Variants in INSYN1 observed in about 807,000 individuals in gnomAD.
INSYN1 encodes inhibitory synaptic factor 1.
In INSYN1, 7 loss-of-function variants were observed where a neutral mutation model predicts 17.1. That is an observed-to-expected ratio of 0.41 (90% CI 0.23 to 0.77). The LOEUF is 0.77. Ranked by LOEUF, INSYN1 falls within the 30% of genes least tolerant of loss-of-function variation. INSYN1 has a pLI of 0.32. For missense variants in INSYN1, 339 were observed against 400.6 expected (o/e 0.85, Z 1.31); for synonymous variants, 174 against 166.3 (o/e 1.05, Z -0.36).
chr15:73,744,743 G>A (rs1901777433), intron 2 of INSYN1, among the ~76,000 whole-genome samples: 1 of 152,046 alleles, frequency 6.6e-6, no homozygotes, highest in Non-Finnish European at 1.5e-5. Flanking sequence ...AAAGAGAGGG[G>A]GAGAGAGAGA....
Position 73,737,175 on chromosome 15 carries a change from T to A in INSYN1, c.*2742A>T, listed in dbSNP as rs1901550763. The A allele has an allele frequency of 6.6e-6, 1 of 152,242 alleles. No homozygotes were observed. The highest frequency in any genetic ancestry group is 2.4e-5 in the African/African-American group (1 of 41,450). The allele number at this position is 152,242 out of a possible 1,614,324, so 9.4% of individuals were successfully genotyped here. On this transcript the variant is annotated 3_prime_UTR_variant, in exon 3 of 3. Transcript: ENST00000569673. ...ATCCCATGGCTGTGTCAGAGACCCC[T>A]AGCTCTGGCCCTCAGTTTCTTCCTC...
intron 2 of INSYN1, among the ~76,000 whole-genome samples, chr15:73,744,488 C>T (rs1221422201): frequency 6.6e-6 from 1 of 152,094 alleles, no homozygotes; most frequent in Non-Finnish European, 1.5e-5. Flanking sequence ...AAGCCATGTG[C>T]CCAAGGGTAT....
rs1019931769 is a variant in INSYN1 at position 73,739,224 on chromosome 15, G to A, written c.*693C>T. ...ATGGGAGCTGAAAGGATTGGGGGTGGTCCAGACCCTCCAATCAAACCCCTG... is the reference window on the plus strand; with the variant it reads ...ATGGGAGCTGAAAGGATTGGGGGTGATCCAGACCCTCCAATCAAACCCCTG... On this transcript the variant is annotated 3_prime_UTR_variant, in exon 3 of 3. Coordinates refer to ENST00000569673, the MANE Select transcript of INSYN1 (RefSeq NM_001039614.3). 1 of 152,336 alleles carries A rather than the reference G, an allele frequency of 6.6e-6. No individual in the cohort carries two copies. Among genetic ancestry groups the A allele is most frequent in the African/African-American group, 2.4e-5 (1 of 41,456 alleles). The allele number at this position is 152,336 out of a possible 1,614,324, so 9.4% of individuals were successfully genotyped here.
intron 2 of INSYN1, 73 bp from the exon 3 acceptor site, chr15:73,740,715 C>T: frequency 8.5e-7 from 1 of 1,175,966 alleles, no homozygotes; most frequent in Non-Finnish European, 1.2e-6. Context: ...GAGTGTGTCT[C>T]CACCCCATCC....
rs2141463523 is a variant in INSYN1, at chr15:73,740,345, G to A, written c.454C>T (p.Pro152Ser). ...GAGGAGTCTGGGGTCTCCACTCGTG[G>A]CCCATTGGGGATGGGCGTGCCACCA... ...MNGGTPIPNGPRVETPDSSSE... is the reference protein window; with the variant it reads ...MNGGTPIPNGSRVETPDSSSE... Residue 152 changes from proline (P) to serine (S), a missense_variant, in exon 3 of 3, where the codon CCA (proline) becomes TCA (serine). Physicochemically the swap from Pro to Ser is moderately conservative, Grantham distance 74 (BLOSUM62 -1). Transcript: ENST00000569673. The A allele has an allele frequency of 6.2e-7, 1 of 1,608,004 alleles. No individual in the cohort carries two copies. Among genetic ancestry groups the A allele is most frequent in the South Asian group, 1.1e-5 (1 of 90,240 alleles).
chr15:73,753,192 G>A lies in INSYN1; in HGVS notation c.-1650C>T, dbSNP rs1466744630. ...CGCCGGGCTCCCGGGGCCTGGGCCC[G>A]CTCCCCAAGCGCCGCGGCGCCGCGC... is the stretch of plus-strand genomic sequence containing the variant. On this transcript the variant is annotated 5_prime_UTR_variant, in exon 1 of 3. Coordinates refer to ENST00000569673, the MANE Select transcript of INSYN1 (RefSeq NM_001039614.3). The surrounding 1 kb of genome is among the most constrained non-coding windows in gnomAD (Gnocchi z 4.2). 6.9e-6 allele frequency among the ~76,000 whole-genome samples: 1 copy of A among 145,076 alleles called. No individual in the cohort carries two copies. The highest frequency in any genetic ancestry group is 2.0e-4 in the East Asian group (1 of 4,948).
In INSYN1 at chr15:73,753,062, G is replaced by C. The variant is rs942000186; in HGVS notation, c.-1520C>G. 2.0e-5 allele frequency among the ~76,000 whole-genome samples: 3 copies of C among 150,028 alleles called. No homozygotes were observed. The highest frequency in any genetic ancestry group is 4.9e-5 in the African/African-American group (2 of 41,172). On this transcript the variant is annotated 5_prime_UTR_variant, in exon 1 of 3. Transcript: ENST00000569673. This position sits in a 1 kb window ranked among gnomAD's most constrained non-coding sequence, Gnocchi z 4.2. Reference sequence around the variant, plus strand: ...CGCTACCTCCCGTCCGTTCGCTCTCGGCTCCCCGCCTCAGCAGCCCCCGGG... The same window carrying C: ...CGCTACCTCCCGTCCGTTCGCTCTCCGCTCCCCGCCTCAGCAGCCCCCGGG...
intron 2 of INSYN1, 90 bp from the exon 3 acceptor site, chr15:73,740,732 A>G: frequency 9.6e-7 from 1 of 1,041,384 alleles, no homozygotes; most frequent in Middle Eastern, 2.3e-4. Flanking sequence ...ATCCCTGTAG[A>G]CCCCTGGCTG....
In INSYN1 at chr15:73,751,055, G is replaced by C. The variant is rs752539582; in HGVS notation, c.76C>G (p.Arg26Gly). 7 of 1,613,864 alleles carry C rather than the reference G, an allele frequency of 4.3e-6. No homozygotes were observed. Among genetic ancestry groups the C allele is most frequent in the Admixed American group, 3.3e-5 (2 of 60,000 alleles). The change falls in exon 2 of 3, where the codon CGA becomes GGA. Residue 26 changes from arginine (R) to glycine (G), a missense_variant. By Grantham distance (125) the Arg-to-Gly change is moderately radical (BLOSUM62 -2). Coordinates refer to ENST00000569673, the MANE Select transcript of INSYN1 (RefSeq NM_001039614.3). ...CCGATGACCATCTTCATGCGCTGTCGAATCCGCTCCCGCTCACCACCACTG... is the reference window on the plus strand; with the variant it reads ...CCGATGACCATCTTCATGCGCTGTCCAATCCGCTCCCGCTCACCACCACTG... ...PSSGGERERI[R>G]QRMKMVIGQL...
At chr15:73,743,855 A>AGAAAAG in intron 2 of INSYN1, among the ~76,000 whole-genome samples, 1 of 97,908 alleles carries the variant, frequency 1.0e-5, no homozygotes, top group Admixed American at 1.3e-4. Context: ...AAAAAAAAAA[A>AGAAAAG]AAAGAAAGAA....
chr15:73,747,015 T>G (rs1901853352), intron 2 of INSYN1, among the ~76,000 whole-genome samples: 1 of 152,180 alleles, frequency 6.6e-6, no homozygotes, highest in South Asian at 2.1e-4. Flanking sequence ...ATGCTGTGCA[T>G]GGCTCGACGG....
chr15:73,744,550 C>T (rs1259719192), intron 2 of INSYN1, among the ~76,000 whole-genome samples: 1 of 152,166 alleles, frequency 6.6e-6, no homozygotes, highest in East Asian at 1.9e-4. Context: ...ACTGCTCTTC[C>T]CTGGTGCCTC....
rs1164149910 is a variant in INSYN1, at chr15:73,735,681, T to G, written c.*4236A>C. 2.0e-5 allele frequency: 3 copies of G among 152,212 alleles called. No individual in the cohort carries two copies. The highest frequency in any genetic ancestry group is 7.2e-5 in the African/African-American group (3 of 41,450). The allele number at this position is 152,212 out of a possible 1,614,324, so 9.4% of individuals were successfully genotyped here. ...GACCAGGCCACCCACTCCAGGCATT[T>G]TAACTGCAGTGGATGTTTGCAGTAG... On this transcript the variant is annotated 3_prime_UTR_variant, in exon 3 of 3. Coordinates refer to ENST00000569673, the MANE Select transcript of INSYN1 (RefSeq NM_001039614.3).
rs1901666929 is a variant in INSYN1, at chr15:73,740,571, G to A, written c.228C>T (p.Ala76=). The stretch of plus-strand genomic sequence containing the variant: ...CACTGCTAGAGGTGCTGCTCACAGT[G>A]GCCGTGGTCCAGTCGTCCGGCTCCA... ...FELEPDDWTT[A]TVSSTSSSDK... Residue 76 remains alanine, a synonymous_variant, in exon 3 of 3, where the codon GCC becomes GCT. Transcript: ENST00000569673. 1 of 1,613,990 alleles carries A rather than the reference G, an allele frequency of 6.2e-7. No individual in the cohort carries two copies. The highest frequency in any genetic ancestry group is 1.3e-5 in the African/African-American group (1 of 74,940).
chr15:73,739,865 A>ATATATATATATATT lies in INSYN1; in HGVS notation c.*51_*52insAATATATATATATA, dbSNP rs1410142997. ...TATATATATATATATATATATATAT[A>ATATATATATATATT]TATTTATTTATAGCTCTATGTGCCC... is the stretch of plus-strand genomic sequence containing the variant. On this transcript the variant is annotated 3_prime_UTR_variant, in exon 3 of 3. Coordinates refer to ENST00000569673, the MANE Select transcript of INSYN1 (RefSeq NM_001039614.3). 30 of 328,940 alleles carry ATATATATATATATT rather than the reference A, an allele frequency of 9.1e-5. No homozygotes were observed. Among genetic ancestry groups the ATATATATATATATT allele is most frequent in the Non-Finnish European group, 1.4e-4 (26 of 182,426 alleles). 20.4% of individuals were successfully genotyped at this position (328,940 alleles called of 1,614,324 possible). A position where few individuals can be genotyped will look rare whatever the true frequency, so the allele number is the denominator to read the frequency against.
At chr15:73,740,796 A>C (rs1213216449) in intron 2 of INSYN1, among the ~76,000 whole-genome samples, 154 bp from the exon 3 acceptor site, 1 of 152,170 alleles carries the variant, frequency 6.6e-6, no homozygotes, top group Non-Finnish European at 1.5e-5. Flanking sequence ...CCTGGAGGTC[A>C]CAGGTTGGTT....
Position 73,740,613 on chromosome 15 carries a change from C to T in INSYN1, c.186G>A (p.Ser62=), listed in dbSNP as rs144044826. 4 of 1,612,370 alleles carry T rather than the reference C, an allele frequency of 2.5e-6. No individual in the cohort carries two copies. The highest frequency in any genetic ancestry group is 1.3e-5 in the African/African-American group (1 of 74,864). ...EVVSQIDKLT[S]DFDFELEPDD... ...CCGGCTCCAGTTCAAAGTCGAAGTC[C>T]GAGGTTAGCTTATCGATCTGGCTCA... Residue 62 remains serine (S), a synonymous_variant, in exon 3 of 3, where the codon TCG becomes TCA. Transcript: ENST00000569673.
In INSYN1 at chr15:73,751,294, C is replaced by A; in HGVS notation, c.-164G>T. ...CTCAACCAGCCCCTGCCCCCTGCCA[C>A]CCAGCCTCCTCTGCCTCTGGGTGGA... On this transcript the variant is annotated 5_prime_UTR_variant, in exon 2 of 3. Transcript: ENST00000569673. The A allele has an allele frequency of 2.8e-6, 2 of 706,940 alleles. No homozygotes were observed. Among genetic ancestry groups the A allele is most frequent in the Non-Finnish European group, 4.7e-6 (2 of 428,060 alleles). The allele number at this position is 706,940 out of a possible 1,614,324, so 43.8% of individuals were successfully genotyped here.
chr15:73,745,373 C>T (rs186148025), intron 2 of INSYN1, among the ~76,000 whole-genome samples: 4 of 152,300 alleles, frequency 2.6e-5, no homozygotes, highest in Non-Finnish European at 5.9e-5. Flanking sequence ...CACGCCCTCC[C>T]TCCTTTCCTA....
Sources: gnomAD v4.1 joint callset for allele counts (sites outside exome capture counted in the v4.1 genomes callset) on GRCh38, gnomAD v4.1.1 for gene constraint, Gnocchi (gnomAD v3.1) non-coding constraint, MANE v1.5 for transcripts, NCBI Gene and HGNC (gene_info 2026-07-23, HGNC 2026-07-21) for gene names.